The following DCC variants were observed in gnomAD, a reference collection of about 807,000 sequenced individuals.
DCC encodes the protein DCC netrin 1 receptor.
Under a neutral mutation model 172.5 loss-of-function variants are expected in DCC, and 58 were observed. The observed-to-expected ratio is 0.34, with a 90% CI of 0.27 to 0.42. The LOEUF is 0.42. Ranked by LOEUF, DCC falls within the 10% of genes least tolerant of loss-of-function variation. The pLI, the probability that DCC is intolerant of heterozygous loss-of-function variation, is 1.00. For synonymous variants in DCC, 709 were observed against 644.5 expected, an observed-to-expected ratio of 1.10 and a Z score of -1.52; for missense variants, 1,740 against 1,791.0, an observed-to-expected ratio of 0.97 and a Z score of 0.51.
At chr18:52,412,293 C>A (rs1986870744) in intron 1 of DCC, among the ~76,000 whole-genome samples, 1 of 151,970 alleles carries the variant, frequency 6.6e-6, no homozygotes, top group South Asian at 2.1e-4. Flanking sequence ...GACAGTCATT[C>A]CTTACATGAC....
intron 15 of DCC, among the ~76,000 whole-genome samples, chr18:53,364,049 C>T (rs1006116888): frequency 6.6e-6 from 1 of 152,058 alleles, no homozygotes; most frequent in African/African-American, 2.4e-5. Flanking sequence ...GAGTTTAATG[C>T]CATAAATCAG....
intron 7 of DCC, among the ~76,000 whole-genome samples, chr18:53,105,030 G>T (rs781416112): frequency 2.0e-5 from 3 of 151,962 alleles, no homozygotes; most frequent in African/African-American, 7.2e-5. Context: ...TAATGGGTTG[G>T]CAATCATAAT....
At chr18:53,182,889 T>A (rs2055217712) in intron 9 of DCC, among the ~76,000 whole-genome samples, 1 of 152,160 alleles carries the variant, frequency 6.6e-6, no homozygotes, top group South Asian at 2.1e-4. Flanking sequence ...ATGCGAGGGC[T>A]GGTTTTATGA....
intron 1 of DCC, among the ~76,000 whole-genome samples, chr18:52,597,607 C>G (rs1192144861): frequency 6.6e-6 from 1 of 152,134 alleles, no homozygotes; most frequent in African/African-American, 2.4e-5. Context: ...CCCTTGGCAT[C>G]GGGTGCCAAA....
chr18:52,827,258 G>T (rs1389192998), intron 2 of DCC, among the ~76,000 whole-genome samples: 1 of 152,174 alleles, frequency 6.6e-6, no homozygotes, highest in Non-Finnish European at 1.5e-5. Context: ...TAGATCAGAG[G>T]TTCCTAACCC....
chr18:53,448,460 C>G (rs957197668), intron 22 of DCC, among the ~76,000 whole-genome samples: 6 of 152,136 alleles, frequency 3.9e-5, no homozygotes, highest in African/African-American at 1.4e-4. Context: ...CGGGTAAACA[C>G]CCCCATGATT....
chr18:52,404,797 T>G (rs1237865510), intron 1 of DCC, among the ~76,000 whole-genome samples: 1 of 145,702 alleles, frequency 6.9e-6, no homozygotes, highest in African/African-American at 2.5e-5. Context: ...TATCTCCCAA[T>G]GCTATCCCTC....
intron 5 of DCC, chr18:52,965,098 C>T (rs1489146976): frequency 6.6e-6 from 1 of 152,166 alleles, no homozygotes; most frequent in Non-Finnish European, 1.5e-5. Context: ...AGATCCTTAA[C>T]TTCACAGCTA....
chr18:53,043,389 C>A (rs61566053), intron 5 of DCC, among the ~76,000 whole-genome samples: 2 of 151,906 alleles, frequency 1.3e-5, no homozygotes, highest in South Asian at 2.1e-4. Flanking sequence ...GTGCAGCAAA[C>A]CACCATGGCA....
chr18:53,146,303 T>C (rs980983209), intron 7 of DCC, among the ~76,000 whole-genome samples: 1 of 152,178 alleles, frequency 6.6e-6, no homozygotes, highest in Admixed American at 6.5e-5. Flanking sequence ...TTCTGGAGGC[T>C]GGGAGCACAA....
At chr18:52,531,840 C>T (rs778252593) in intron 1 of DCC, among the ~76,000 whole-genome samples, 5 of 152,032 alleles carry the variant, frequency 3.3e-5, no homozygotes, top group Admixed American at 6.6e-5. Flanking sequence ...TAAGGTGTTC[C>T]GGAATAGTGA....
intron 5 of DCC, among the ~76,000 whole-genome samples, chr18:52,957,227 A>T (rs146517150): frequency 0.014 from 2,058 of 152,238 alleles, 60 homozygotes; most frequent in African/African-American, 0.048. Flanking sequence ...TATCATTTGG[A>T]GTTTTCTAGC....
intron 7 of DCC, among the ~76,000 whole-genome samples, chr18:53,099,543 C>A (rs949992932): frequency 6.6e-6 from 1 of 152,132 alleles, no homozygotes; most frequent in Non-Finnish European, 1.5e-5. Context: ...CAAGTAAAAC[C>A]TGAGCCTTAA....
chr18:52,862,729 A>C (rs987416034), intron 2 of DCC, among the ~76,000 whole-genome samples: 2 of 152,144 alleles, frequency 1.3e-5, no homozygotes, highest in Admixed American at 6.6e-5. Flanking sequence ...AAAATTAAAA[A>C]AAATTCAAAA....
At chr18:53,206,850 T>A (rs2055658252) in intron 10 of DCC, among the ~76,000 whole-genome samples, 1 of 151,586 alleles carries the variant, frequency 6.6e-6, no homozygotes, top group Non-Finnish European at 1.5e-5. Context: ...TGCTTTCACA[T>A]AAACTGCATG....
At chr18:52,658,229 A>G (rs113693695) in intron 1 of DCC, among the ~76,000 whole-genome samples, 14 of 152,314 alleles carry the variant, frequency 9.2e-5, no homozygotes, top group African/African-American at 3.4e-4. Flanking sequence ...CACCAGTTAT[A>G]TGTTCAGCCA....
intron 1 of DCC, among the ~76,000 whole-genome samples, chr18:52,742,643 A>C (rs541439854): frequency 4.6e-5 from 7 of 152,344 alleles, no homozygotes; most frequent in African/African-American, 1.7e-4. Context: ...TTGTCAATGC[A>C]ATATTTTTCC....
At chr18:52,882,517 T>C (rs2039501706) in intron 2 of DCC, among the ~76,000 whole-genome samples, 1 of 152,114 alleles carries the variant, frequency 6.6e-6, no homozygotes, top group Non-Finnish European at 1.5e-5. Flanking sequence ...AATTTTTCAA[T>C]TTTCTTCTTG....
chr18:52,421,929 AC>A, intron 1 of DCC, among the ~76,000 whole-genome samples: 1 of 152,162 alleles, frequency 6.6e-6, no homozygotes, highest in Middle Eastern at 3.4e-3. Context: ...CTCAATAGTG[AC>A]CCCATGAGAC....
Sources: gnomAD v4.1 joint callset for allele counts (sites outside exome capture counted in the v4.1 genomes callset) on GRCh38, gnomAD v4.1.1 for gene constraint, MANE v1.5 for transcripts, NCBI Gene and HGNC (gene_info 2026-07-23, HGNC 2026-07-21) for gene names.